COMMD10: variants seen among roughly 807,000 people sequenced by gnomAD.
The protein encoded by COMMD10 is COMM domain-containing protein 10.
A neutral mutation model predicts 28.9 loss-of-function variants in COMMD10; 33 were observed. That is an observed-to-expected ratio of 1.14 (90% confidence interval 0.87 to 1.53). COMMD10 has a LOEUF of 1.53. Ranked by LOEUF, COMMD10 falls within the 40% of genes most tolerant of loss-of-function variation. The pLI, the probability that COMMD10 is intolerant of heterozygous loss-of-function variation, is 0.00. For missense variants in COMMD10, 310 were observed against 233.4 expected (o/e 1.33, Z -2.14); for synonymous variants, 110 against 81.7 (o/e 1.35, Z -1.87).
intron 5 of COMMD10, among the ~76,000 whole-genome samples, chr5:116,239,081 A>C (rs1470356456): frequency 6.6e-6 from 1 of 152,194 alleles, no homozygotes; most frequent in Non-Finnish European, 1.5e-5. Flanking sequence ...TTGTCTCTTT[A>C]ATTAAACAGA....
intron 5 of COMMD10, among the ~76,000 whole-genome samples, chr5:116,197,640 C>T (rs139820333): frequency 6.6e-6 from 1 of 152,238 alleles, no homozygotes; most frequent in Non-Finnish European, 1.5e-5. Flanking sequence ...CCTCGGCCTC[C>T]CTACGTTCTG....
rs1293535574 is a variant in COMMD10, at chr5:116,121,147, G to A, written c.400-12921G>A. Among the ~76,000 whole-genome samples the A allele has an allele frequency of 4.0e-5, 6 of 151,300 alleles. No individual in the cohort carries two copies. In the South Asian group the frequency reaches 8.4e-4, roughly 21 times the overall value. ...TCCTTCCCCCTGCCCCCCACCACAT[G>A]ACAGGCCCCGTGTGTGATGTTCCCC... is the stretch of plus-strand genomic sequence containing the variant. On this transcript the variant is annotated intron_variant, in intron 4 of 6. Transcript: ENST00000274458.
At chr5:116,162,931 C>G (rs916854311) in intron 5 of COMMD10, among the ~76,000 whole-genome samples, 1 of 152,030 alleles carries the variant, frequency 6.6e-6, no homozygotes, top group African/African-American at 2.4e-5. Context: ...AATGGAGCAA[C>G]TCTTGTTGGG....
intron 5 of COMMD10, among the ~76,000 whole-genome samples, chr5:116,192,270 C>T (rs983132214): frequency 6.6e-6 from 1 of 150,638 alleles, no homozygotes; most frequent in Non-Finnish European, 1.5e-5. Context: ...CAACCCCCCC[C>T]CCCAAAAATA....
At chr5:116,086,507 G>A (rs1037021509) in intron 1 of COMMD10, among the ~76,000 whole-genome samples, 11 of 151,958 alleles carry the variant, frequency 7.2e-5, no homozygotes, top group African/African-American at 2.4e-4. Context: ...TGCGCAGGCT[G>A]GAGTGCAATG....
intron 4 of COMMD10, among the ~76,000 whole-genome samples, chr5:116,108,627 T>C (rs1018107489): frequency 5.3e-5 from 8 of 152,206 alleles, no homozygotes; most frequent in African/African-American, 1.9e-4. Flanking sequence ...TGCTGTACTC[T>C]GGGGTTGGGA....
At chr5:116,194,828 C>T (rs1295224299) in intron 5 of COMMD10, among the ~76,000 whole-genome samples, 1 of 152,076 alleles carries the variant, frequency 6.6e-6, no homozygotes, top group Non-Finnish European at 1.5e-5. Flanking sequence ...GCTAGCATTA[C>T]CCTAATACCA....
intron 5 of COMMD10, among the ~76,000 whole-genome samples, chr5:116,224,000 A>G (rs1397395258): frequency 6.6e-6 from 1 of 152,160 alleles, no homozygotes; most frequent in African/African-American, 2.4e-5. Flanking sequence ...AAGACCATGG[A>G]AATGGTTTTA....
intron 5 of COMMD10, among the ~76,000 whole-genome samples, chr5:116,238,417 C>G (rs938443163): frequency 1.3e-5 from 2 of 152,148 alleles, no homozygotes; most frequent in African/African-American, 4.8e-5. Flanking sequence ...ATCCTGACCA[C>G]TTTTAGCTGG....
chr5:116,118,411 T>C (rs1751312000), intron 4 of COMMD10, among the ~76,000 whole-genome samples: 1 of 152,334 alleles, frequency 6.6e-6, no homozygotes, highest in African/African-American at 2.4e-5. Flanking sequence ...TAGTAGAGTG[T>C]CAGTAAATAT....
At chr5:116,154,331 A>T (rs1313881475) in intron 5 of COMMD10, among the ~76,000 whole-genome samples, 1 of 152,136 alleles carries the variant, frequency 6.6e-6, no homozygotes, top group African/African-American at 2.4e-5. Context: ...TGGATTTAAA[A>T]CTTGAAATTT....
intron 5 of COMMD10, among the ~76,000 whole-genome samples, chr5:116,260,316 A>G (rs1750408527): frequency 1.3e-5 from 2 of 151,880 alleles, no homozygotes; most frequent in East Asian, 3.9e-4. Flanking sequence ...CCAATTTATT[A>G]TTTTTCCCTG....
chr5:116,264,054 C>T (rs978838238), intron 5 of COMMD10, among the ~76,000 whole-genome samples: 2 of 151,808 alleles, frequency 1.3e-5, no homozygotes, highest in East Asian at 1.9e-4. Flanking sequence ...AGAGTGTGAA[C>T]CTATGTACCT....
chr5:116,245,433 C>A (rs1749916167), intron 5 of COMMD10, among the ~76,000 whole-genome samples: 1 of 152,118 alleles, frequency 6.6e-6, no homozygotes. Context: ...GAGCTGGTAC[C>A]ATTTCTACTG....
At chr5:116,259,126 A>G (rs1365501488) in intron 5 of COMMD10, among the ~76,000 whole-genome samples, 1 of 142,136 alleles carries the variant, frequency 7.0e-6, no homozygotes, top group African/African-American at 2.7e-5. Flanking sequence ...GCAGTGATGC[A>G]ATCTTGGCTC....
At chr5:116,169,447 T>A (rs1025055019) in intron 5 of COMMD10, among the ~76,000 whole-genome samples, 1 of 152,160 alleles carries the variant, frequency 6.6e-6, no homozygotes, top group African/African-American at 2.4e-5. Flanking sequence ...CGGAAACTAT[T>A]CTGAACAATA....
At chr5:116,269,900 A>G (rs1311172093) in intron 5 of COMMD10, among the ~76,000 whole-genome samples, 1 of 151,844 alleles carries the variant, frequency 6.6e-6, no homozygotes, top group African/African-American at 2.4e-5. Context: ...CCATTTCTGC[A>G]TATTTTAATC....
At chr5:116,155,278 T>A (rs147656009) in intron 5 of COMMD10, among the ~76,000 whole-genome samples, 16 of 152,260 alleles carry the variant, frequency 1.1e-4, no homozygotes, top group Admixed American at 9.2e-4. Flanking sequence ...TAAATTCACA[T>A]AAATATGAAG....
intron 5 of COMMD10, among the ~76,000 whole-genome samples, chr5:116,166,507 C>T (rs1191997155): frequency 6.6e-6 from 1 of 151,626 alleles, no homozygotes; most frequent in Non-Finnish European, 1.5e-5. Context: ...GGACAGACTG[C>T]CTCCTCAAGT....
Sources: gnomAD v4.1 joint callset for allele counts (sites outside exome capture counted in the v4.1 genomes callset) on GRCh38, gnomAD v4.1.1 for gene constraint, MANE v1.5 for transcripts, NCBI Gene and HGNC (gene_info 2026-07-23, HGNC 2026-07-21) for gene names.